The following GRID2 variants were observed in gnomAD, a reference collection of about 807,000 sequenced individuals.
GRID2 encodes the protein glutamate ionotropic receptor delta type subunit 2, also known as glutamate receptor ionotropic, delta-2.
In GRID2, 33 loss-of-function variants were observed where a neutral mutation model predicts 114.8. That is an observed-to-expected ratio of 0.29 (90% CI 0.22 to 0.38). The LOEUF is 0.38. Among genes scored for constraint, GRID2 ranks in the 10% least tolerant of loss-of-function variants. The pLI is 1.00. For missense variants in GRID2, 1,184 were observed against 1,257.7 expected, an observed-to-expected ratio of 0.94 and a Z score of 0.89; for synonymous variants, 505 against 449.9, an observed-to-expected ratio of 1.12 and a Z score of -1.55.
chr4:93,254,747 G>A (rs1274643364), intron 8 of GRID2, among the ~76,000 whole-genome samples: 2 of 152,028 alleles, frequency 1.3e-5, no homozygotes, highest in Non-Finnish European at 2.9e-5. Context: ...TAGGATTGTG[G>A]GGGAAATTGC....
chr4:93,042,279 CTCTCTCTCTCTCTCTCTCTCTATATATA>C (rs1725613804), intron 2 of GRID2, among the ~76,000 whole-genome samples: 2 of 38,954 alleles, frequency 5.1e-5, no homozygotes, highest in Non-Finnish European at 1.3e-4. Context: ...CTCTCTTTCT[CTCTCTCTCTCTCTCTCTCTCTATATATA>C]TATATATATA....
chr4:93,105,381 C>T (rs1732116695), intron 3 of GRID2, among the ~76,000 whole-genome samples: 1 of 152,070 alleles, frequency 6.6e-6, no homozygotes, highest in Admixed American at 6.6e-5. Flanking sequence ...AAGTCCTTGC[C>T]CATGCCTATG....
intron 10 of GRID2, among the ~76,000 whole-genome samples, chr4:93,444,837 T>A (rs372503939): frequency 1.3e-5 from 2 of 152,064 alleles, no homozygotes; most frequent in East Asian, 3.9e-4. Context: ...CATACCTATG[T>A]ATATGTAAAA....
Position 93,774,321 on chromosome 4 carries a change from C to G in GRID2, c.*1823C>G, listed in dbSNP as rs978678688. On this transcript the variant is annotated 3_prime_UTR_variant, in exon 16 of 16. Transcript: ENST00000282020. Reference sequence around the variant, plus strand: ...AACATTCATGATCTCATTTACAACTCTGATTTTAAAACAAAAAAATCTTTA... The same window carrying G: ...AACATTCATGATCTCATTTACAACTGTGATTTTAAAACAAAAAAATCTTTA... The G allele has an allele frequency of 3.9e-5, 6 of 152,140 alleles. No homozygotes were observed. The highest frequency in any genetic ancestry group is 3.9e-4 in the Admixed American group (6 of 15,280). 9.4% of individuals were successfully genotyped at this position (152,140 alleles called of 1,614,324 possible).
At chr4:93,720,124 G>A (rs1049694937) in intron 14 of GRID2, among the ~76,000 whole-genome samples, 1 of 152,180 alleles carries the variant, frequency 6.6e-6, no homozygotes, top group East Asian at 1.9e-4. Context: ...TCCAATAGTT[G>A]GTTTGGAGAG....
At chr4:92,974,924 G>T (rs1320880776) in intron 2 of GRID2, among the ~76,000 whole-genome samples, 1 of 103,742 alleles carries the variant, frequency 9.6e-6, no homozygotes, top group Non-Finnish European at 2.0e-5. Flanking sequence ...TTGGGAGGCC[G>T]AGGCGGGCGG....
chr4:92,737,675 G>A (rs1736663291), intron 2 of GRID2, among the ~76,000 whole-genome samples: 1 of 151,988 alleles, frequency 6.6e-6, no homozygotes, highest in African/African-American at 2.4e-5. Context: ...GACAAATGTT[G>A]AATTATATAT....
intron 13 of GRID2, among the ~76,000 whole-genome samples, chr4:93,580,594 TG>T (rs1405512471): frequency 6.6e-6 from 1 of 152,156 alleles, no homozygotes; most frequent in African/African-American, 2.4e-5. Context: ...GGCAGTTTTT[TG>T]TTTCGTATGT....
chr4:93,058,734 T>G (rs1578870218), intron 2 of GRID2, among the ~76,000 whole-genome samples: 1 of 152,146 alleles, frequency 6.6e-6, no homozygotes, highest in East Asian at 1.9e-4. Context: ...ATGTACATTT[T>G]TAATGTTTAA....
chr4:93,618,068 G>C (rs1741869370), intron 13 of GRID2, among the ~76,000 whole-genome samples: 2 of 152,260 alleles, frequency 1.3e-5, no homozygotes, highest in Middle Eastern at 6.8e-3. Context: ...TTTGTGCTAT[G>C]ACTGGGCATT....
chr4:93,487,234 A>G (rs1726504238), intron 11 of GRID2, among the ~76,000 whole-genome samples: 1 of 151,848 alleles, frequency 6.6e-6, no homozygotes, highest in Non-Finnish European at 1.5e-5. Context: ...TTTTTAAAGA[A>G]CCAAACTTCT....
intron 2 of GRID2, among the ~76,000 whole-genome samples, chr4:92,607,096 T>G (rs562879025): frequency 6.6e-6 from 1 of 152,034 alleles, no homozygotes; most frequent in Non-Finnish European, 1.5e-5. Context: ...CTTACTCATT[T>G]ATGCCTGGTT....
rs191040552 is a variant in GRID2, at chr4:93,398,838, A to T, written c.1347+3130A>T. Among the ~76,000 whole-genome samples, 158 of 150,628 alleles carry T rather than the reference A, an allele frequency of 1.0e-3. 3 individuals carry two copies. Among genetic ancestry groups the T allele is most frequent in the Non-Finnish European group, 1.5e-5 (1 of 67,818 alleles). On this transcript the variant is annotated intron_variant, in intron 9 of 15. Transcript: ENST00000282020. ...AGGTTGTTATACTTATTACATTACT[A>T]CAATATACAATCATTGTGTTTAATA...
chr4:92,442,702 T>C (rs1733176896), intron 1 of GRID2, among the ~76,000 whole-genome samples: 1 of 152,092 alleles, frequency 6.6e-6, no homozygotes, highest in South Asian at 2.1e-4. Context: ...TTTGACCTTT[T>C]AGGGTCTAGG....
intron 1 of GRID2, among the ~76,000 whole-genome samples, chr4:92,395,273 T>C (rs1730438590): frequency 1.3e-5 from 2 of 149,468 alleles, no homozygotes; most frequent in Admixed American, 1.3e-4. Flanking sequence ...GGATATAGTA[T>C]GATTTATGTA....
intron 13 of GRID2, among the ~76,000 whole-genome samples, chr4:93,604,544 A>G (rs1740011142): frequency 6.6e-6 from 1 of 152,256 alleles, no homozygotes; most frequent in Non-Finnish European, 1.5e-5. Context: ...AAGCAGCAGC[A>G]GGGCTTGAGA....
At chr4:92,825,279 A>T (rs1047361166) in intron 2 of GRID2, among the ~76,000 whole-genome samples, 1 of 152,096 alleles carries the variant, frequency 6.6e-6, no homozygotes, top group Non-Finnish European at 1.5e-5. Flanking sequence ...AAAAAAATTC[A>T]CCTTCCATTG....
In GRID2 at chr4:93,122,106, G is replaced by A. The variant is rs372828753; in HGVS notation, c.735+11153G>A. 4.2e-4 allele frequency among the ~76,000 whole-genome samples: 64 copies of A among 152,156 alleles called. 3 individuals carry two copies. The South Asian group carries it at 0.013, about 31-fold the overall frequency. On this transcript the variant is annotated intron_variant, in intron 4 of 15. Coordinates refer to ENST00000282020, the MANE Select transcript of GRID2 (RefSeq NM_001510.4). ...AACAGAAGTTCTTATTTGTAATGTA[G>A]TCCAAATTATTACATTTTTTGTAGT...
chr4:92,990,530 G>A (rs1754828305), intron 2 of GRID2, among the ~76,000 whole-genome samples: 1 of 151,676 alleles, frequency 6.6e-6, no homozygotes, highest in African/African-American at 2.4e-5. Flanking sequence ...AGCCAGGCTG[G>A]TGTTGAACTC....
Sources: allele counts gnomAD v4.1 joint callset (sites outside exome capture counted in the v4.1 genomes callset), GRCh38; gene constraint gnomAD v4.1.1; transcripts MANE v1.5; gene names NCBI Gene and HGNC (gene_info 2026-07-23, HGNC 2026-07-21).